NIPBL: variants seen among roughly 807,000 people sequenced by gnomAD.
NIPBL encodes the protein NIPBL cohesin loading factor, also known as nipped-B-like protein.
Under a neutral mutation model 321.8 loss-of-function variants are expected in NIPBL, and 19 were observed. That is an observed-to-expected ratio of 0.06 (90% confidence interval 0.04 to 0.09). NIPBL has a LOEUF of 0.09. NIPBL is among the 10% of genes least tolerant of loss of function. The probability of loss-of-function intolerance (pLI) is 1.00; values close to 1 mark genes in which losing one functional copy is unlikely to be tolerated. For synonymous variants in NIPBL, 1,106 were observed against 1,114.1 expected (o/e 0.99, Z 0.14); for missense variants, 2,210 against 3,327.0 (o/e 0.66, Z 8.26).
chr5:37,055,940 G>T (rs1051919882), intron 42 of NIPBL, among the ~76,000 whole-genome samples: 2 of 152,072 alleles, frequency 1.3e-5, no homozygotes, highest in East Asian at 3.9e-4. Context: ...GATTGCTTGA[G>T]CCCAGGAGTT....
rs190224725 is a variant in NIPBL at position 36,925,378 on chromosome 5, C to T, written c.-79-28240C>T. On this transcript the variant is annotated intron_variant, in intron 1 of 46. Transcript: ENST00000282516. Reference sequence around the variant, plus strand: ...CCGCCTCCTGGGTTCAAGTGATTCTCCTGCTTTTGCCTCCTGAGTAGCTGG... The same window carrying T: ...CCGCCTCCTGGGTTCAAGTGATTCTTCTGCTTTTGCCTCCTGAGTAGCTGG... Among the ~76,000 whole-genome samples the T allele has an allele frequency of 7.9e-5, 12 of 151,680 alleles. No homozygotes were observed. In the East Asian group the frequency reaches 2.1e-3, roughly 27 times the overall value.
At chr5:36,919,016 G>T (rs1427772015) in intron 1 of NIPBL, among the ~76,000 whole-genome samples, 1 of 152,056 alleles carries the variant, frequency 6.6e-6, no homozygotes, top group African/African-American at 2.4e-5. Flanking sequence ...CCAGGCTTTG[G>T]TATCAGGATG....
rs755011244 is a variant in NIPBL at position 37,000,589 on chromosome 5, C to T, written c.3502+19C>T. On this transcript the variant is annotated intron_variant, in intron 12 of 46. Transcript: ENST00000282516. ...AGTGAGGGTAATTCATCAGTGTCAA[C>T]GGATTTCTTACATAAACCAATTTAA... The T allele has an allele frequency of 2.0e-5, 33 of 1,610,094 alleles. No homozygotes were observed. The highest frequency in any genetic ancestry group is 8.9e-5 in the East Asian group (4 of 44,850).
At chr5:36,936,205 T>A (rs1310669577) in intron 1 of NIPBL, among the ~76,000 whole-genome samples, 1 of 152,188 alleles carries the variant, frequency 6.6e-6, no homozygotes, top group Non-Finnish European at 1.5e-5. Context: ...TGTTCAGTTT[T>A]AGGATTTGCT....
chr5:36,906,466 G>A (rs1016573109), intron 1 of NIPBL, among the ~76,000 whole-genome samples: 1 of 152,056 alleles, frequency 6.6e-6, no homozygotes, highest in African/African-American at 2.4e-5. Flanking sequence ...GTCTCTATTA[G>A]TCTTTTCATT....
chr5:36,993,493 C>T (rs1415181222), intron 10 of NIPBL, among the ~76,000 whole-genome samples: 2 of 152,022 alleles, frequency 1.3e-5, no homozygotes, highest in African/African-American at 4.8e-5. Flanking sequence ...GGAGCAGAGT[C>T]CTTGCTCTGG....
At chr5:36,893,038 A>G (rs758083420) in intron 1 of NIPBL, among the ~76,000 whole-genome samples, 1 of 152,200 alleles carries the variant, frequency 6.6e-6, no homozygotes, top group Non-Finnish European at 1.5e-5. Context: ...TAGTATATTG[A>G]CTATATTCTT....
At chr5:36,952,675 A>AAT (rs1740526171) in intron 1 of NIPBL, among the ~76,000 whole-genome samples, 2 of 152,326 alleles carry the variant, frequency 1.3e-5, no homozygotes, top group South Asian at 4.1e-4. Context: ...CATCATGATA[A>AAT]ATACTGAACA....
At chr5:36,905,040 A>T (rs1193202965) in intron 1 of NIPBL, among the ~76,000 whole-genome samples, 2 of 152,210 alleles carry the variant, frequency 1.3e-5, no homozygotes, top group Non-Finnish European at 2.9e-5. Flanking sequence ...CCAGTGATGC[A>T]AAAGTGAAAA....
At chr5:37,061,124 C>T (rs1439572293) in intron 45 of NIPBL, 106 bp downstream of exon 45, 1 of 778,128 alleles carries the variant, frequency 1.3e-6, no homozygotes, top group African/African-American at 1.7e-5. Flanking sequence ...TGAATATAAG[C>T]TTCATGAACT....
intron 1 of NIPBL, among the ~76,000 whole-genome samples, chr5:36,951,988 T>G (rs1008054266): frequency 6.6e-6 from 1 of 150,656 alleles, no homozygotes; most frequent in African/African-American, 2.4e-5. Flanking sequence ...ATGATGATTC[T>G]ATGGATGCTT....
intron 1 of NIPBL, among the ~76,000 whole-genome samples, chr5:36,884,261 C>T (rs977910667): frequency 6.6e-6 from 1 of 152,090 alleles, no homozygotes; most frequent in South Asian, 2.1e-4. Context: ...TGTGGTTGAT[C>T]TTGTAATGTG....
At chr5:36,923,493 A>G (rs1749114822) in intron 1 of NIPBL, among the ~76,000 whole-genome samples, 1 of 152,168 alleles carries the variant, frequency 6.6e-6, no homozygotes, top group South Asian at 2.1e-4. Context: ...AAAAACACTT[A>G]TTAAGGTCCT....
chr5:36,923,324 A>C (rs1749097929), intron 1 of NIPBL, among the ~76,000 whole-genome samples: 1 of 151,922 alleles, frequency 6.6e-6, no homozygotes, highest in Non-Finnish European at 1.5e-5. Flanking sequence ...AAACAAAAAC[A>C]AACAACAACA....
intron 1 of NIPBL, among the ~76,000 whole-genome samples, chr5:36,906,212 A>G (rs1452562517): frequency 6.6e-6 from 1 of 152,186 alleles, no homozygotes; most frequent in East Asian, 1.9e-4. Flanking sequence ...TATAATCATT[A>G]TCTAATATAG....
chr5:36,913,048 G>A (rs1005921456), intron 1 of NIPBL, among the ~76,000 whole-genome samples: 1 of 152,110 alleles, frequency 6.6e-6, no homozygotes, highest in Non-Finnish European at 1.5e-5. Context: ...ATTGTTCAAC[G>A]TTAAAGGAGA....
chr5:37,043,842 A>T (rs139732620), intron 34 of NIPBL, among the ~76,000 whole-genome samples: 1 of 152,216 alleles, frequency 6.6e-6, no homozygotes. Context: ...TGTGCATTGC[A>T]GGTTGTTAAG....
At chr5:36,953,569 A>G (rs1740637633) in intron 1 of NIPBL, 49 bp from the exon 2 acceptor site, 4 of 810,682 alleles carry the variant, frequency 4.9e-6, no homozygotes, top group Non-Finnish European at 8.7e-6. Context: ...CCTGATAGTA[A>G]TATATCTGAC....
At chr5:37,039,474 A>G (rs1397144806) in intron 34 of NIPBL, among the ~76,000 whole-genome samples, 1 of 152,024 alleles carries the variant, frequency 6.6e-6, no homozygotes, top group African/African-American at 2.4e-5. Context: ...ATTTTAAAGT[A>G]TATATGACAG....
Sources: allele counts gnomAD v4.1 joint callset (sites outside exome capture counted in the v4.1 genomes callset), GRCh38; gene constraint gnomAD v4.1.1; transcripts MANE v1.5; gene names NCBI Gene and HGNC (gene_info 2026-07-23, HGNC 2026-07-21).